Variants in MID1 observed in about 807,000 individuals in gnomAD.
The protein encoded by MID1 is midline 1, also known as E3 ubiquitin-protein ligase Midline-1.
A neutral mutation model predicts 40.4 loss-of-function variants in MID1; 7 were observed. The observed-to-expected ratio is 0.17, with a 90% CI of 0.10 to 0.33. The LOEUF is 0.33. Among genes scored for constraint, MID1 ranks in the 10% least tolerant of loss-of-function variants. MID1 has a pLI of 1.00. For missense variants in MID1, 367 were observed against 558.5 expected (o/e 0.66, Z 3.46); for synonymous variants, 229 against 221.2 (o/e 1.04, Z -0.31).
intron 1 of MID1, among the ~76,000 whole-genome samples, chrX:10,679,250 C>T (rs2147068462): frequency 8.9e-6 from 1 of 111,946 alleles, no homozygotes; most frequent in East Asian, 2.8e-4. Flanking sequence ...GGGCATGGGG[C>T]TGAGGGAAAT....
At chrX:10,726,216 T>C (rs1197892004) in intron 1 of MID1, among the ~76,000 whole-genome samples, 1 of 112,323 alleles carries the variant, frequency 8.9e-6, no homozygotes, top group African/African-American at 3.2e-5. Context: ...GGATATCAAC[T>C]AAGCAGGATT....
chrX:10,796,489 T>A (rs1010417664), intron 1 of MID1, among the ~76,000 whole-genome samples: 2 of 108,283 alleles, frequency 1.8e-5, no homozygotes, highest in East Asian at 2.9e-4. Flanking sequence ...GGCCCCGCAT[T>A]TTTGTTTGGG....
chrX:10,467,428 CTG>C (rs754875474), intron 7 of MID1, among the ~76,000 whole-genome samples: 1 of 112,181 alleles, frequency 8.9e-6, no homozygotes, highest in South Asian at 3.7e-4. Context: ...CTTCAAATAT[CTG>C]AGGACACTGA....
At chrX:10,812,929 G>A (rs775295926) in intron 1 of MID1, among the ~76,000 whole-genome samples, 1 of 111,202 alleles carries the variant, frequency 9.0e-6, no homozygotes, top group Non-Finnish European at 1.9e-5. Context: ...GGTTGTCTTA[G>A]AACCTGAAAA....
intron 1 of MID1, among the ~76,000 whole-genome samples, chrX:10,799,491 G>T (rs918547989): frequency 1.8e-5 from 2 of 111,892 alleles, no homozygotes; most frequent in African/African-American, 6.5e-5. Context: ...GACACTATAA[G>T]GCCAGATCCG....
intron 1 of MID1, among the ~76,000 whole-genome samples, chrX:10,747,257 T>G (rs916049045): frequency 2.7e-5 from 3 of 112,002 alleles, no homozygotes; most frequent in African/African-American, 9.7e-5. Context: ...CTGATGAGGA[T>G]TAGCATGACA....
chrX:10,537,773 C>T (rs1344899188), intron 2 of MID1, among the ~76,000 whole-genome samples: 1 of 111,853 alleles, frequency 8.9e-6, no homozygotes, highest in East Asian at 2.8e-4. Flanking sequence ...CATTCTTTTT[C>T]ACAGCTTTAA....
At chrX:10,719,021 A>G (rs1181191595) in intron 1 of MID1, among the ~76,000 whole-genome samples, 3 of 112,006 alleles carry the variant, frequency 2.7e-5, no homozygotes, top group African/African-American at 3.2e-5. Context: ...AACTCTCAAT[A>G]AATTAGGTAT....
chrX:10,529,043 G>A (rs1338525111), intron 2 of MID1, among the ~76,000 whole-genome samples: 1 of 111,560 alleles, frequency 9.0e-6, no homozygotes, highest in Non-Finnish European at 1.9e-5. Flanking sequence ...GGGCTGTCAA[G>A]ATGATTAGAG....
In MID1 at chrX:10,654,934, CA is replaced by C. The variant is rs369442331; in HGVS notation, c.-186-34516del. ...ACTGGTCTAGATGCTTGAGACACAC[CA>C]GTGAAATAAACTGACAAAAAACTCT... On this transcript the variant is annotated intron_variant, in intron 1 of 10. Transcript: ENST00000380785. 3.5e-3 allele frequency among the ~76,000 whole-genome samples: 397 copies of C among 112,323 alleles called. 5 individuals carry two copies. The highest frequency in any genetic ancestry group is 0.012 in the African/African-American group (379 of 30,899).
chrX:10,535,847 A>T (rs181441310), intron 2 of MID1, among the ~76,000 whole-genome samples: 1 of 112,156 alleles, frequency 8.9e-6, no homozygotes, highest in Non-Finnish European at 1.9e-5. Context: ...ACGTCAACTC[A>T]GGCAAGAGCA....
intron 1 of MID1, among the ~76,000 whole-genome samples, chrX:10,689,459 C>T (rs1470647967): frequency 1.8e-5 from 2 of 111,542 alleles, no homozygotes; most frequent in African/African-American, 3.3e-5. Context: ...CAGTTCCCTC[C>T]CCTGACATGT....
In MID1 at chrX:10,643,141, A is replaced by G. The variant is rs185244391; in HGVS notation, c.-186-22722T>C. On this transcript the variant is annotated intron_variant, in intron 1 of 10. Coordinates refer to the MID1 transcript ENST00000380785. ...TGTCTAAAACACCAAAAGCAATGGC[A>G]ACAAAAGCCAAAAATGACAAATGGG... Among the ~76,000 whole-genome samples, 7 of 111,735 alleles carry G rather than the reference A, an allele frequency of 6.3e-5. No individual in the cohort carries two copies. In the East Asian group the frequency reaches 2.0e-3, roughly 31 times the overall value.
intron 1 of MID1, among the ~76,000 whole-genome samples, chrX:10,731,330 C>G (rs1023772514): frequency 1.8e-5 from 2 of 111,857 alleles, no homozygotes; most frequent in Non-Finnish European, 3.8e-5. Flanking sequence ...TAATTTTGCA[C>G]TGTGTACAAG....
chrX:10,499,501 G>A (rs766560494), intron 3 of MID1, among the ~76,000 whole-genome samples: 2 of 111,077 alleles, frequency 1.8e-5, no homozygotes, highest in Admixed American at 9.6e-5. Context: ...TTTTGTTGTC[G>A]TACCTAAGAA....
chrX:10,731,966 C>CAAAAA lies in MID1; in HGVS notation c.-187+101583_-187+101587dup, dbSNP rs754605735. On this transcript the variant is annotated intron_variant, in intron 1 of 10. Coordinates refer to the MID1 transcript ENST00000380785. ...TGGGCGACAGAGCAAGAATCTATCA[C>CAAAAA]AAAAAAAAAAAAAAAAAAAAAAAAA... Among the ~76,000 whole-genome samples, 98 of 26,628 alleles carry CAAAAA rather than the reference C, an allele frequency of 3.7e-3. 2 individuals are homozygous for CAAAAA. The highest frequency in any genetic ancestry group is 8.8e-3 in the African/African-American group (92 of 10,411). 23.1% of individuals were successfully genotyped at this position (26,628 alleles called of 115,157 possible).
intron 1 of MID1, among the ~76,000 whole-genome samples, chrX:10,600,872 A>C (rs141630628): frequency 0.046 from 5,079 of 111,467 alleles, 111 homozygotes; most frequent in African/African-American, 0.086. Flanking sequence ...TTTTTTTTTA[A>C]ATGTGGACTT....
chrX:10,628,340 A>G (rs1210382285), intron 1 of MID1, among the ~76,000 whole-genome samples: 3 of 111,584 alleles, frequency 2.7e-5, no homozygotes, highest in Non-Finnish European at 3.8e-5. Context: ...CTGAGAAACT[A>G]CATTCAAATG....
chrX:10,645,850 C>A (rs1386777317), intron 1 of MID1, among the ~76,000 whole-genome samples: 1 of 111,842 alleles, frequency 8.9e-6, no homozygotes, highest in Non-Finnish European at 1.9e-5. Flanking sequence ...CCTCAACTCT[C>A]CTGGATTGGC....
Sources: allele counts gnomAD v4.1 joint callset (sites outside exome capture counted in the v4.1 genomes callset), GRCh38; gene constraint gnomAD v4.1.1; transcripts MANE v1.5; gene names NCBI Gene and HGNC (gene_info 2026-07-23, HGNC 2026-07-21).